The following RABGAP1L variants were observed in gnomAD, a reference collection of about 807,000 sequenced individuals.
The protein encoded by RABGAP1L is rab GTPase-activating protein 1-like.
RABGAP1L carries 63 observed loss-of-function variants against 137.7 expected under a neutral mutation model. The ratio of observed to expected loss-of-function variants is 0.46; its 90% CI spans 0.37 to 0.56. The LOEUF is 0.56. Among genes scored for constraint, RABGAP1L ranks in the 20% least tolerant of loss-of-function variants. RABGAP1L has a pLI of 0.00. For missense variants in RABGAP1L, 1,095 were observed against 1,244.0 expected (o/e 0.88, Z 1.80); for synonymous variants, 431 against 433.7 (o/e 0.99, Z 0.08).
intron 13 of RABGAP1L, among the ~76,000 whole-genome samples, chr1:174,618,080 C>A (rs1449071714): frequency 6.6e-6 from 1 of 152,216 alleles, no homozygotes; most frequent in Admixed American, 6.5e-5. Context: ...TGCAAGGCAG[C>A]AGCGAGGCTG....
At chr1:174,356,234 G>T (rs1173194083) in intron 11 of RABGAP1L, among the ~76,000 whole-genome samples, 2 of 151,904 alleles carry the variant, frequency 1.3e-5, no homozygotes, top group Non-Finnish European at 2.9e-5. Flanking sequence ...CCCTGGTGTG[G>T]TTAGAGGAAA....
intron 3 of RABGAP1L, among the ~76,000 whole-genome samples, chr1:174,226,443 G>A (rs1403239618): frequency 6.6e-6 from 1 of 151,934 alleles, no homozygotes; most frequent in Admixed American, 6.6e-5. Flanking sequence ...TTTATATTCT[G>A]TCGAAAGTTT....
intron 13 of RABGAP1L, among the ~76,000 whole-genome samples, chr1:174,576,227 C>G (rs1163206261): frequency 6.6e-6 from 1 of 152,048 alleles, no homozygotes; most frequent in Non-Finnish European, 1.5e-5. Context: ...ATGCCTTAAC[C>G]CTAAAGAGGC....
At chr1:174,908,532 A>G (rs1659494320) in intron 19 of RABGAP1L, among the ~76,000 whole-genome samples, 1 of 148,412 alleles carries the variant, frequency 6.7e-6, no homozygotes, top group Middle Eastern at 3.5e-3. Context: ...GTTAAACAAC[A>G]TATTCTTTTT....
At chr1:174,326,203 G>A (rs1322457462) in intron 11 of RABGAP1L, among the ~76,000 whole-genome samples, 1 of 152,126 alleles carries the variant, frequency 6.6e-6, no homozygotes, top group Non-Finnish European at 1.5e-5. Flanking sequence ...TCACCAAAAG[G>A]ACAAAGCAAG....
At chr1:174,893,610 T>G (rs1237785186) in intron 19 of RABGAP1L, among the ~76,000 whole-genome samples, 1 of 152,248 alleles carries the variant, frequency 6.6e-6, no homozygotes, top group African/African-American at 2.4e-5. Context: ...AGAACTGTTT[T>G]ATTTTCTTTG....
At chr1:174,539,388 A>T (rs1197767920) in intron 13 of RABGAP1L, among the ~76,000 whole-genome samples, 3 of 151,670 alleles carry the variant, frequency 2.0e-5, no homozygotes, top group Admixed American at 2.0e-4. Flanking sequence ...GGTGTGCTGT[A>T]CCCATTAACT....
At chr1:174,790,175 A>G (rs1301041813) in intron 18 of RABGAP1L, among the ~76,000 whole-genome samples, 1 of 152,076 alleles carries the variant, frequency 6.6e-6, no homozygotes, top group African/African-American at 2.4e-5. Context: ...ATGCCACTGC[A>G]TTCCAGTCTG....
intron 12 of RABGAP1L, among the ~76,000 whole-genome samples, chr1:174,378,727 T>G (rs1405540030): frequency 2.0e-4 from 30 of 150,824 alleles, no homozygotes; most frequent in Admixed American, 5.3e-4. Flanking sequence ...TTTCTCCCAT[T>G]TTGTAGGTTG....
At chr1:174,338,679 T>C (rs1026124210) in intron 11 of RABGAP1L, among the ~76,000 whole-genome samples, 8 of 151,902 alleles carry the variant, frequency 5.3e-5, no homozygotes, top group Admixed American at 3.3e-4. Flanking sequence ...TGATTAATAA[T>C]ATTTATTTAT....
chr1:174,306,062 G>C (rs1047263548), intron 11 of RABGAP1L, among the ~76,000 whole-genome samples: 1 of 152,138 alleles, frequency 6.6e-6, no homozygotes, highest in African/African-American at 2.4e-5. Flanking sequence ...ATGGTTTCCA[G>C]CTTCATCCAT....
intron 10 of RABGAP1L, among the ~76,000 whole-genome samples, chr1:174,292,999 A>G (rs1222350278): frequency 3.3e-5 from 5 of 152,198 alleles, no homozygotes; most frequent in Non-Finnish European, 7.3e-5. Context: ...AGGCACAGGT[A>G]GGTTATTAGG....
intron 13 of RABGAP1L, among the ~76,000 whole-genome samples, chr1:174,530,471 C>T (rs1664293044): frequency 6.6e-6 from 1 of 152,052 alleles, no homozygotes; most frequent in Non-Finnish European, 1.5e-5. Flanking sequence ...ATGGTGTTAC[C>T]CTCTGTTAGT....
chr1:174,506,929 C>T (rs1418800804), intron 13 of RABGAP1L, among the ~76,000 whole-genome samples: 6 of 151,900 alleles, frequency 3.9e-5, no homozygotes, highest in East Asian at 1.9e-4. Flanking sequence ...GGCAACATGG[C>T]GAAACCTCAT....
At chr1:174,633,615 A>G (rs1271591308) in intron 13 of RABGAP1L, among the ~76,000 whole-genome samples, 7 of 117,798 alleles carry the variant, frequency 5.9e-5, no homozygotes, top group Admixed American at 1.6e-4. Flanking sequence ...GAGGCAGCAC[A>G]CTACCTGACT....
At chr1:174,854,993 T>C (rs1282206777) in intron 19 of RABGAP1L, among the ~76,000 whole-genome samples, 4 of 151,800 alleles carry the variant, frequency 2.6e-5, no homozygotes, top group South Asian at 2.1e-4. Context: ...CCGCCTCGGC[T>C]TCCCAAAGTG....
intron 13 of RABGAP1L, among the ~76,000 whole-genome samples, chr1:174,503,076 G>C (rs183739387): frequency 1.3e-5 from 2 of 152,272 alleles, no homozygotes; most frequent in Non-Finnish European, 1.5e-5. Flanking sequence ...GGGTGGGTAA[G>C]TGCTGTATTC....
chr1:174,426,910 A>G (rs1652022049), intron 13 of RABGAP1L, among the ~76,000 whole-genome samples: 2 of 152,128 alleles, frequency 1.3e-5, no homozygotes, highest in African/African-American at 4.8e-5. Context: ...GATACGTAAC[A>G]GAAAGTGAAT....
chr1:174,500,814 T>TA (rs766098203), intron 13 of RABGAP1L, among the ~76,000 whole-genome samples: 1 of 152,146 alleles, frequency 6.6e-6, no homozygotes, highest in African/African-American at 2.4e-5. Flanking sequence ...TGAGTTCCAG[T>TA]AAAAAACTCA....
Sources: allele counts gnomAD v4.1 joint callset (sites outside exome capture counted in the v4.1 genomes callset), GRCh38; gene constraint gnomAD v4.1.1; transcripts MANE v1.5; gene names NCBI Gene and HGNC (gene_info 2026-07-23, HGNC 2026-07-21).